The following CDR2 variants were observed in gnomAD, a reference collection of about 807,000 sequenced individuals.
The protein encoded by CDR2 is cerebellar degeneration related protein 2.
A neutral mutation model predicts 48.4 loss-of-function variants in CDR2; 34 were observed. The observed-to-expected ratio is 0.70, with a 90% CI of 0.53 to 0.94. The LOEUF is 0.94. CDR2 is among the 40% of genes least tolerant of loss of function. CDR2 has a pLI of 0.00. For missense variants in CDR2, 498 were observed against 549.5 expected (o/e 0.91, Z 0.94); for synonymous variants, 240 against 219.7 (o/e 1.09, Z -0.82).
At chr16:22,349,970 C>G (rs2141843269) in intron 2 of CDR2, 121 bp from the exon 3 acceptor site, 1 of 839,122 alleles carries the variant, frequency 1.2e-6, no homozygotes, top group East Asian at 2.5e-5. Flanking sequence ...GTGTGGATCA[C>G]CTGAGGTTAG....
Position 22,347,656 on chromosome 16 carries a change from A to T in CDR2, c.674T>A (p.Leu225His). 6.2e-7 allele frequency: 1 copy of T among 1,614,098 alleles called. No individual in the cohort carries two copies. Among genetic ancestry groups the T allele is most frequent in the Non-Finnish European group, 8.5e-7 (1 of 1,180,040 alleles). ...CAGTTCACTGTTCTCCTTTAACACG[A>T]GCCCATATTCCTCCTCCATAGTCAC... ...KRVTMEEEYG[L>H]VLKENSELEQ... Residue 225 changes from leucine to histidine, a missense_variant, in exon 5 of 5, where the codon CTC (leucine) becomes CAC (histidine). Coordinates refer to ENST00000268383, the MANE Select transcript of CDR2 (RefSeq NM_001802.2).
chr16:22,373,629 G>A (rs1044441670), intron 1 of CDR2, among the ~76,000 whole-genome samples: 2 of 152,190 alleles, frequency 1.3e-5, no homozygotes, highest in African/African-American at 2.4e-5. Flanking sequence ...TGGACGCCCC[G>A]TTCTCCATCA....
intron 2 of CDR2, among the ~76,000 whole-genome samples, chr16:22,353,076 G>C (rs2048952976): frequency 6.6e-6 from 1 of 152,168 alleles, no homozygotes; most frequent in South Asian, 2.1e-4. Context: ...AATGTTTCAA[G>C]CTTCTTTATA....
At position 22,349,820 on chromosome 16, in the gene CDR2, C is replaced by T. The variant is rs1207625828; in HGVS notation, c.222G>A (p.Arg74=). 2 of 1,614,128 alleles carry T rather than the reference C, an allele frequency of 1.2e-6. No individual in the cohort carries two copies. The highest frequency in any genetic ancestry group is 1.7e-6 in the Non-Finnish European group (2 of 1,179,990). ...CCTTTGCATGTTGTTCGTTCATCTG[C>T]CGTAGAAGTTCCACTTGCTTCGTCA... The part of the protein sequence containing the change: ...EYLTKQVELL[R]QMNEQHAKVY... The change falls in exon 3 of 5, where the codon CGG becomes CGA. Residue 74 remains arginine, a synonymous_variant. Transcript: ENST00000268383.
chr16:22,350,171 A>G (rs1267175005), intron 2 of CDR2, among the ~76,000 whole-genome samples: 1 of 152,006 alleles, frequency 6.6e-6, no homozygotes, highest in African/African-American at 2.4e-5. Context: ...CCTGGGCAAC[A>G]AGAATGAAAC....
At chr16:22,350,617 G>T (rs1223597633) in intron 2 of CDR2, among the ~76,000 whole-genome samples, 1 of 152,112 alleles carries the variant, frequency 6.6e-6, no homozygotes, top group Non-Finnish European at 1.5e-5. Flanking sequence ...TTTATTTTAA[G>T]AAAAGAAGAA....
In CDR2 at chr16:22,349,260, C is replaced by T. The variant is rs779296135; in HGVS notation, c.506+19G>A. On this transcript the variant is annotated intron_variant, in intron 4 of 4. Coordinates refer to ENST00000268383, the MANE Select transcript of CDR2 (RefSeq NM_001802.2). ...TGAGACAGTCCCTGCTGTAACTCCA[C>T]AGAAAGGCAGGCTCTTACTGGCGGA... 2.5e-6 allele frequency: 4 copies of T among 1,613,838 alleles called. No individual in the cohort carries two copies. The East Asian group carries it at 6.7e-5, about 27-fold the overall frequency.
chr16:22,367,750 C>T (rs1023170340), intron 1 of CDR2, among the ~76,000 whole-genome samples: 5 of 152,166 alleles, frequency 3.3e-5, no homozygotes, highest in African/African-American at 1.2e-4. Context: ...AATTAGTATT[C>T]TACTTGGTTA....
At chr16:22,354,813 G>C (rs1016195085) in intron 2 of CDR2, among the ~76,000 whole-genome samples, 3 of 152,020 alleles carry the variant, frequency 2.0e-5, no homozygotes, top group African/African-American at 7.3e-5. Context: ...AGAATCACTT[G>C]AACCCAGGAG....
rs1314007734 is a variant in CDR2 at position 22,347,404 on chromosome 16, C to T, written c.926G>A (p.Ser309Asn). ...GCTGCTGAGGATCGTCTCACTGCTG[C>T]TGCGCTTGAGAGGCTTTCTATGTGA... is the stretch of plus-strand genomic sequence containing the variant. ...PESHRKPLKR[S>N]SSETILSSLA... Residue 309 changes from serine (S) to asparagine (N), a missense_variant, in exon 5 of 5, where the codon AGC (serine) becomes AAC (asparagine). Physicochemically the swap from Ser to Asn is conservative, Grantham distance 46. Transcript: ENST00000268383. 1 of 1,614,196 alleles carries T rather than the reference C, an allele frequency of 6.2e-7. No individual in the cohort carries two copies. The highest frequency in any genetic ancestry group is 1.7e-5 in the Admixed American group (1 of 60,030).
chr16:22,372,176 T>C (rs1168966662), intron 1 of CDR2, among the ~76,000 whole-genome samples: 3 of 151,508 alleles, frequency 2.0e-5, no homozygotes, highest in African/African-American at 7.2e-5. Flanking sequence ...AGCCCAGACC[T>C]GTGTTTTTAA....
chr16:22,361,331 G>A (rs1181796752), intron 2 of CDR2, among the ~76,000 whole-genome samples: 6 of 152,196 alleles, frequency 3.9e-5, no homozygotes, highest in Non-Finnish European at 7.4e-5. Flanking sequence ...GGAGAAACAC[G>A]TTGAAAAGGC....
chr16:22,369,875 C>G (rs187072744), intron 1 of CDR2, among the ~76,000 whole-genome samples: 2 of 152,268 alleles, frequency 1.3e-5, no homozygotes, highest in East Asian at 3.9e-4. Flanking sequence ...AGTTTCGAAG[C>G]CTTATACACC....
chr16:22,361,393 C>A (rs2049009649), intron 2 of CDR2, among the ~76,000 whole-genome samples: 1 of 152,152 alleles, frequency 6.6e-6, no homozygotes, highest in South Asian at 2.1e-4. Flanking sequence ...CTGAAGGTTG[C>A]AATAAGAGGA....
In CDR2 at chr16:22,374,254, T is replaced by C; in HGVS notation, c.56A>G (p.Tyr19Cys). The change falls in exon 1 of 5, where the codon TAC (tyrosine) becomes TGC (cysteine). Residue 19 changes from tyrosine to cysteine, a missense_variant. Coordinates refer to ENST00000268383, the MANE Select transcript of CDR2 (RefSeq NM_001802.2). Reference sequence around the variant, plus strand: ...ACCTTGCTGGAGGTCCTGGTGGTCGTACCACGGCTCGTCCTCCTTCATCTC... The same window carrying C: ...ACCTTGCTGGAGGTCCTGGTGGTCGCACCACGGCTCGTCCTCCTTCATCTC... ...EFEMKEDEPW[Y>C]DHQDLQQDLQ... The C allele has an allele frequency of 1.2e-6, 2 of 1,601,784 alleles. No individual in the cohort carries two copies. The highest frequency in any genetic ancestry group is 1.7e-6 in the Non-Finnish European group (2 of 1,174,678).
chr16:22,346,098 T>C lies in CDR2; in HGVS notation c.*867A>G, dbSNP rs908082602. On this transcript the variant is annotated 3_prime_UTR_variant, in exon 5 of 5. Coordinates refer to ENST00000268383, the MANE Select transcript of CDR2 (RefSeq NM_001802.2). The stretch of plus-strand genomic sequence containing the variant: ...AGTAGATAGGAATTTCTGCAACAAG[T>C]CAAAACATTTACAGGAATGGTAAGA... 3.3e-5 allele frequency: 5 copies of C among 152,662 alleles called. No homozygotes were observed. Among genetic ancestry groups the C allele is most frequent in the African/African-American group, 9.6e-5 (4 of 41,582 alleles). The allele number at this position is 152,662 out of a possible 1,614,324, so 9.5% of individuals were successfully genotyped here.
At chr16:22,370,393 G>A (rs1053646557) in intron 1 of CDR2, among the ~76,000 whole-genome samples, 1 of 152,126 alleles carries the variant, frequency 6.6e-6, no homozygotes, top group African/African-American at 2.4e-5. Flanking sequence ...TGCAATTTTA[G>A]GATTCCTTTA....
At chr16:22,351,597 G>A (rs914462470) in intron 2 of CDR2, among the ~76,000 whole-genome samples, 6 of 152,156 alleles carry the variant, frequency 3.9e-5, no homozygotes, top group South Asian at 2.1e-4. Context: ...TTGCTTTGAC[G>A]AGAAATATAT....
In CDR2 at chr16:22,346,838, T is replaced by TA. The variant is rs2048908182; in HGVS notation, c.*126dup. ...TCCTTTCCTCGTTGTATGCATTTGC[T>TA]AAATAAGCAAAGCAATGAGGCAAAC... On this transcript the variant is annotated 3_prime_UTR_variant, in exon 5 of 5. Coordinates refer to ENST00000268383, the MANE Select transcript of CDR2 (RefSeq NM_001802.2). 1 of 1,050,774 alleles carries TA rather than the reference T, an allele frequency of 9.5e-7. No individual in the cohort carries two copies. The highest frequency in any genetic ancestry group is 1.4e-6 in the Non-Finnish European group (1 of 712,024). The allele number at this position is 1,050,774 out of a possible 1,614,324, so 65.1% of individuals were successfully genotyped here.
Sources: gnomAD v4.1 joint callset for allele counts (sites outside exome capture counted in the v4.1 genomes callset) on GRCh38, gnomAD v4.1.1 for gene constraint, MANE v1.5 for transcripts, NCBI Gene and HGNC (gene_info 2026-07-23, HGNC 2026-07-21) for gene names.